The following ARSD variants were observed in gnomAD, a reference collection of about 807,000 sequenced individuals.
ARSD encodes the protein arylsulfatase D, also known as testis tissue sperm-binding protein Li 39a.
ARSD carries 21 observed loss-of-function variants against 32.6 expected under a neutral mutation model. The observed-to-expected ratio is 0.64, with a 90% CI of 0.46 to 0.93. The LOEUF is 0.93. Among genes scored for constraint, ARSD ranks in the 40% least tolerant of loss-of-function variants. The pLI is 0.00. For synonymous variants in ARSD, 224 were observed against 237.4 expected (o/e 0.94, Z 0.52); for missense variants, 454 against 520.9 (o/e 0.87, Z 1.25).
Position 2,917,973 on chromosome X carries a change from C to G in ARSD, c.694G>C (p.Gly232Arg), listed in dbSNP as rs780696524. The G allele has an allele frequency of 8.3e-7, 1 of 1,211,616 alleles. No individual in the cohort carries two copies. Among genetic ancestry groups the G allele is most frequent in the Non-Finnish European group, 1.1e-6 (1 of 895,231 alleles). The change falls in exon 5 of 10, where the codon GGC becomes CGC. Residue 232 changes from glycine to arginine, a missense_variant. Physicochemically the swap from Gly to Arg is moderately radical, Grantham distance 125. Transcript: ENST00000381154. ...AACAGGCAGCCCACGCCGGCCATGCCGGTGACTGCTCTCGCGGAGACAGAG... is the reference window on the plus strand; with the variant it reads ...AACAGGCAGCCCACGCCGGCCATGCGGGTGACTGCTCTCGCGGAGACAGAG... ...FFSVSARAVT[G>R]MAGVGCLFFI...
At chrX:2,914,401 T>A (rs1186808630) in intron 6 of ARSD, 11 of 430,084 alleles carry the variant, frequency 2.6e-5, no homozygotes, top group Non-Finnish European at 3.3e-5. Flanking sequence ...GCTAATTTTT[T>A]AAATTTTTTG....
chrX:2,910,855 C>A, intron 6 of ARSD, 62 bp from the exon 7 acceptor site: 1 of 1,141,019 alleles, frequency 8.8e-7, no homozygotes. Context: ...TAGTTCAATG[C>A]GCTTCTTCCT....
At chrX:2,920,908 C>T (rs757871583) in intron 3 of ARSD, among the ~76,000 whole-genome samples, 185 bp from the exon 4 acceptor site, 8 of 112,035 alleles carry the variant, frequency 7.1e-5, no homozygotes, top group Admixed American at 1.9e-4. Flanking sequence ...CATCTATCTA[C>T]CTACCTACAT....
At chrX:2,926,243 G>T (rs1451107489) in intron 1 of ARSD, among the ~76,000 whole-genome samples, 1 of 111,699 alleles carries the variant, frequency 9.0e-6, no homozygotes, top group East Asian at 2.8e-4. Flanking sequence ...TCCAGGTGCT[G>T]GGGTGATTAC....
rs370097621 is a variant in ARSD at position 2,907,407 on chromosome X, G to A, written c.1646C>T (p.Ser549Leu). 12 of 1,210,528 alleles carry A rather than the reference G, an allele frequency of 9.9e-6. No individual in the cohort carries two copies. Among genetic ancestry groups the A allele is most frequent in the Middle Eastern group, 2.3e-4 (1 of 4,373 alleles). The change falls in exon 10 of 10, where the codon TCG (serine) becomes TTG (leucine). Residue 549 changes from serine (S) to leucine (L), a missense_variant. Coordinates refer to ENST00000381154, the MANE Select transcript of ARSD (RefSeq NM_001669.4). The stretch of plus-strand genomic sequence containing the variant: ...AGGACTCAGGGTCTGCCGATGCTCC[G>A]ACACCGCGGCACCTACCCTTGCTAT... ...AVIARVGAAVSEHRQTLSPVP... is the reference protein window; with the variant it reads ...AVIARVGAAVLEHRQTLSPVP...
chrX:2,926,719 T>C (rs958170366), intron 1 of ARSD, among the ~76,000 whole-genome samples: 75 of 112,524 alleles, frequency 6.7e-4, no homozygotes, highest in African/African-American at 2.2e-3. Flanking sequence ...GTGTAGTTCA[T>C]CTGAGCTAAC....
intron 4 of ARSD, among the ~76,000 whole-genome samples, chrX:2,918,611 G>A (rs1174162736): frequency 1.8e-5 from 2 of 111,057 alleles, no homozygotes; most frequent in African/African-American, 3.3e-5. Context: ...CAGGTGGCGG[G>A]CGCCTGTAGT....
At chrX:2,918,533 G>A (rs1478315395) in intron 4 of ARSD, among the ~76,000 whole-genome samples, 1 of 110,976 alleles carries the variant, frequency 9.0e-6, no homozygotes, top group Non-Finnish European at 1.9e-5. Context: ...GGCGGATCAC[G>A]AGGTCAGGAA....
In ARSD at chrX:2,920,254, G is replaced by GA. The variant is rs762260869; in HGVS notation, c.439+346dup. On this transcript the variant is annotated intron_variant, in intron 4 of 9. Coordinates refer to ENST00000381154, the MANE Select transcript of ARSD (RefSeq NM_001669.4). Reference sequence around the variant, plus strand: ...TCTCCTAGGATTTTGAATTTAAGAAGAAAAAAAAACTCATGAAAAACTGGG... The same window carrying GA: ...TCTCCTAGGATTTTGAATTTAAGAAGAAAAAAAAAACTCATGAAAAACTGGG... The GA allele has an allele frequency of 2.2e-3, 481 of 218,309 alleles. 2 individuals carry two copies. The highest frequency in any genetic ancestry group is 6.4e-3 in the African/African-American group (214 of 33,228). The allele number at this position is 218,309 out of a possible 1,213,427, so 18.0% of individuals were successfully genotyped here.
In ARSD at chrX:2,907,555, C is replaced by T. The variant is rs2229557; in HGVS notation, c.1498G>A (p.Val500Ile). 2,333 of 1,155,856 alleles carry T rather than the reference C, an allele frequency of 2.0e-3. 30 individuals are homozygous for T. The African/African-American group carries it at 0.032, about 16-fold the overall frequency. Reference protein sequence around the residue: ...EGAGACYGRGVCPCSGEGVTH... With the variant: ...EGAGACYGRGICPCSGEGVTH... ...ACGCCCTCCCCGGAGCATGGGCAGA[C>T]GCCTCGGCCGTAGCAGGCCCCCGCT... Residue 500 changes from valine to isoleucine, a missense_variant, in exon 10 of 10, where the codon GTC becomes ATC. This residue lies in a region of ARSD where 179 missense variants were observed against 198.5 expected (regional missense o/e 0.90). Transcript: ENST00000381154.
At chrX:2,911,666 T>A (rs1245775774) in intron 6 of ARSD, among the ~76,000 whole-genome samples, 1 of 64,184 alleles carries the variant, frequency 1.6e-5, no homozygotes, top group Non-Finnish European at 2.7e-5. Context: ...TGAGACTCCA[T>A]CTCAAAAAAA....
At chrX:2,928,114 C>A (rs1397016107) in intron 1 of ARSD, among the ~76,000 whole-genome samples, 1 of 110,922 alleles carries the variant, frequency 9.0e-6, no homozygotes, top group African/African-American at 3.3e-5. Flanking sequence ...GACCCTCTAC[C>A]GGTGGCACTG....
At position 2,910,723 on chromosome X, in the gene ARSD, A is replaced by G. The variant is rs773029515; in HGVS notation, c.1071T>C (p.His357=). 1.7e-6 allele frequency: 2 copies of G among 1,211,477 alleles called. No individual in the cohort carries two copies. Among genetic ancestry groups the G allele is most frequent in the Non-Finnish European group, 2.2e-6 (2 of 895,221 alleles). Residue 357 remains histidine, a synonymous_variant, in exon 7 of 10, where the codon CAT becomes CAC. Coordinates refer to ENST00000381154, the MANE Select transcript of ARSD (RefSeq NM_001669.4). ...NSTFTYFTSD[H]GGHLEARDGH... ...CATCTCTTGCCTCTAAATGTCCTCC[A>G]TGGTCAGAGGTGAAATACGTGAATG...
Position 2,920,584 on chromosome X carries a change from C to G in ARSD, c.439+17G>C. On this transcript the variant is annotated intron_variant, in intron 4 of 9. Transcript: ENST00000381154. The stretch of plus-strand genomic sequence containing the variant: ...TTCCCAACCACCGTATAATGTGAGG[C>G]TCCCACATATCCACACCTATGAGGC... 1 of 1,210,775 alleles carries G rather than the reference C, an allele frequency of 8.3e-7. No homozygotes were observed. The highest frequency in any genetic ancestry group is 1.1e-6 in the Non-Finnish European group (1 of 895,052).
rs188299826 is a variant in ARSD, at chrX:2,913,716, T to C, written c.1000+1840A>G. 3 of 964,924 alleles carry C rather than the reference T, an allele frequency of 3.1e-6. No homozygotes were observed. The East Asian group carries it at 2.3e-4, about 74-fold the overall frequency. 79.5% of individuals were successfully genotyped at this position (964,924 alleles called of 1,213,427 possible). A position where few individuals can be genotyped will look rare whatever the true frequency, so the allele number is the denominator to read the frequency against. On this transcript the variant is annotated intron_variant, in intron 6 of 9. Transcript: ENST00000381154. ...ACTTCTAATGAGGCTGTTAAGTCAT[T>C]GGCTGTGTAGAAGGTTGACAATATA... is the stretch of plus-strand genomic sequence containing the variant.
At position 2,917,957 on chromosome X, in the gene ARSD, C is replaced by G. The variant is rs1399613663; in HGVS notation, c.710G>C (p.Gly237Ala). The G allele has an allele frequency of 8.3e-7, 1 of 1,210,756 alleles. No individual in the cohort carries two copies. Among genetic ancestry groups the G allele is most frequent in the East Asian group, 3.0e-5 (1 of 33,757 alleles). The part of the protein sequence containing the change: ...ARAVTGMAGV[G>A]CLFFISWYSS... The stretch of plus-strand genomic sequence containing the variant: ...GTACCAAGAGATGAAAAACAGGCAG[C>G]CCACGCCGGCCATGCCGGTGACTGC... The change falls in exon 5 of 10, where the codon GGC becomes GCC. Residue 237 changes from glycine (G) to alanine (A), a missense_variant. By Grantham distance (60) the Gly-to-Ala change is moderately conservative. Coordinates refer to ENST00000381154, the MANE Select transcript of ARSD (RefSeq NM_001669.4).
rs1418702079 is a variant in ARSD, at chrX:2,904,878, C to T, written c.*2393G>A. On this transcript the variant is annotated 3_prime_UTR_variant, in exon 10 of 10. Transcript: ENST00000381154. The stretch of plus-strand genomic sequence containing the variant: ...ATGGCTTTTAGCTGCCTCCACTCCC[C>T]GTGTCCCATGCTCCATAGATGTTTC... 3.9e-5 allele frequency: 9 copies of T among 232,645 alleles called. No homozygotes were observed. The highest frequency in any genetic ancestry group is 2.5e-4 in the African/African-American group (8 of 32,407). The allele number at this position is 232,645 out of a possible 1,213,427, so 19.2% of individuals were successfully genotyped here.
rs1310751961 is a variant in ARSD at position 2,907,287 on chromosome X, C to A, written c.1766G>T (p.Gly589Val). ...HFPFCSCHED[G>V]DGTP ...TCCTGGCATTCAGGGGGTGCCATCC[C>A]CATCCTCGTGGCATGAACAGAACGG... is the stretch of plus-strand genomic sequence containing the variant. The change falls in exon 10 of 10, where the codon GGG becomes GTG. Residue 589 changes from glycine (G) to valine (V), a missense_variant. Gly to Val is a moderately radical substitution (Grantham distance 109). Around this residue, in one of 3 missense-constraint regions of ARSD, gnomAD observed 179 missense variants for 198.5 expected, o/e 0.90. Transcript: ENST00000381154. 1.7e-6 allele frequency: 2 copies of A among 1,208,293 alleles called. No homozygotes were observed. The highest frequency in any genetic ancestry group is 4.4e-5 in the Admixed American group (2 of 45,870).
chrX:2,928,819 T>A (rs1488102942), intron 1 of ARSD, among the ~76,000 whole-genome samples: 1 of 111,336 alleles, frequency 9.0e-6, no homozygotes, highest in Non-Finnish European at 1.9e-5. Context: ...AGGGAGCCTT[T>A]GAAGGCCGAA....
Sources: allele counts gnomAD v4.1 joint callset (sites outside exome capture counted in the v4.1 genomes callset), GRCh38; gene constraint gnomAD v4.1.1; regional missense constraint gnomAD v4.1.1; transcripts MANE v1.5; gene names NCBI Gene and HGNC (gene_info 2026-07-23, HGNC 2026-07-21).